The following SORCS3 variants were observed in gnomAD, a reference collection of about 807,000 sequenced individuals.
The protein encoded by SORCS3 is sortilin related VPS10 domain containing receptor 3.
SORCS3 carries 57 observed loss-of-function variants against 146.3 expected under a neutral mutation model. The ratio of observed to expected loss-of-function variants is 0.39; its 90% CI spans 0.31 to 0.49. The LOEUF (loss-of-function observed/expected upper bound fraction) is 0.49, where lower values mean the gene tolerates loss of function less well. SORCS3 is among the 20% of genes least tolerant of loss of function. SORCS3 has a pLI of 0.92. For missense variants in SORCS3, 1,341 were observed against 1,575.5 expected, an observed-to-expected ratio of 0.85 and a Z score of 2.52; for synonymous variants, 653 against 618.5, an observed-to-expected ratio of 1.06 and a Z score of -0.83.
At chr10:105,041,503 A>G (rs1301043404) in intron 4 of SORCS3, among the ~76,000 whole-genome samples, 1 of 150,372 alleles carries the variant, frequency 6.7e-6, no homozygotes, top group Non-Finnish European at 1.5e-5. Context: ...ATATACCTAC[A>G]TACATACATG....
intron 6 of SORCS3, among the ~76,000 whole-genome samples, chr10:105,096,644 A>G (rs1000154103): frequency 3.9e-5 from 6 of 152,192 alleles, no homozygotes; most frequent in Non-Finnish European, 2.9e-5. Context: ...AGAAGAGGCC[A>G]TAGCTAAGCC....
intron 2 of SORCS3, among the ~76,000 whole-genome samples, chr10:104,873,264 A>G (rs985297541): frequency 3.3e-5 from 5 of 152,232 alleles, no homozygotes; most frequent in African/African-American, 9.6e-5. Flanking sequence ...CCTCAGTGGG[A>G]TAAAACCCTT....
At chr10:104,886,554 T>TCATCTATCTATC (rs568922489) in intron 2 of SORCS3, among the ~76,000 whole-genome samples, 8,884 of 127,790 alleles carry the variant, frequency 0.07, 369 homozygotes, top group African/African-American at 0.12. Context: ...TATAACTCTA[T>TCATCTATCTATC]CATCTATCTA....
At chr10:105,178,417 A>G (rs1261655820) in intron 14 of SORCS3, among the ~76,000 whole-genome samples, 1 of 152,236 alleles carries the variant, frequency 6.6e-6, no homozygotes, top group East Asian at 1.9e-4. Context: ...TTAAAGAATT[A>G]TAGCAAATTC....
intron 2 of SORCS3, among the ~76,000 whole-genome samples, chr10:104,844,984 T>C (rs2018187096): frequency 6.6e-6 from 1 of 152,220 alleles, no homozygotes; most frequent in Non-Finnish European, 1.5e-5. Context: ...GCATATAAAT[T>C]GGGGTTAGCA....
intron 4 of SORCS3, among the ~76,000 whole-genome samples, chr10:105,034,356 C>T (rs1424603823): frequency 6.6e-6 from 1 of 152,050 alleles, no homozygotes; most frequent in African/African-American, 2.4e-5. Context: ...CTAGAGAGTT[C>T]ATGGCATGTT....
At chr10:104,884,224 T>C (rs1048084695) in intron 2 of SORCS3, among the ~76,000 whole-genome samples, 2 of 152,138 alleles carry the variant, frequency 1.3e-5, no homozygotes, top group African/African-American at 4.8e-5. Flanking sequence ...TGATAATATA[T>C]CTTTAAAGGA....
chr10:104,927,832 C>T (rs1009973891), intron 3 of SORCS3, among the ~76,000 whole-genome samples: 9 of 150,676 alleles, frequency 6.0e-5, no homozygotes, highest in Admixed American at 4.0e-4. Context: ...GAGCCGAGAT[C>T]GTACCATTGC....
At chr10:104,856,135 T>TAC (rs1233225304) in intron 2 of SORCS3, among the ~76,000 whole-genome samples, 1 of 152,154 alleles carries the variant, frequency 6.6e-6, no homozygotes, top group East Asian at 1.9e-4. Context: ...TATGTAAGCC[T>TAC]ATTTGGCTCT....
intron 1 of SORCS3, among the ~76,000 whole-genome samples, chr10:104,813,929 C>CTT (rs35625517): frequency 3.6e-4 from 42 of 116,150 alleles, no homozygotes; most frequent in African/African-American, 7.2e-4. Context: ...TCTTTTCTTT[C>CTT]TTTTTTTTTT....
chr10:104,758,890 G>A (rs2017089267), intron 1 of SORCS3, among the ~76,000 whole-genome samples: 1 of 152,196 alleles, frequency 6.6e-6, no homozygotes, highest in African/African-American at 2.4e-5. Context: ...CTCTGAAGAA[G>A]TAGATCCTGT....
At chr10:105,056,537 G>A (rs2133714627) in intron 5 of SORCS3, among the ~76,000 whole-genome samples, 1 of 152,292 alleles carries the variant, frequency 6.6e-6, no homozygotes, top group Non-Finnish European at 1.5e-5. Flanking sequence ...TTCATCTTTT[G>A]TGCAAGAGAA....
At chr10:105,179,900 A>C (rs1345031271) in intron 14 of SORCS3, among the ~76,000 whole-genome samples, 1 of 152,172 alleles carries the variant, frequency 6.6e-6, no homozygotes, top group African/African-American at 2.4e-5. Flanking sequence ...TTGAAAACTT[A>C]TTAATAAAGT....
intron 1 of SORCS3, among the ~76,000 whole-genome samples, chr10:104,673,069 C>T (rs1330167151): frequency 6.6e-6 from 1 of 152,028 alleles, no homozygotes; most frequent in East Asian, 1.9e-4. Context: ...TTAGTATAGT[C>T]ACCTTTGTTC....
At chr10:105,046,101 G>T (rs942600268) in intron 5 of SORCS3, among the ~76,000 whole-genome samples, 3 of 152,084 alleles carry the variant, frequency 2.0e-5, no homozygotes, top group African/African-American at 7.2e-5. Context: ...GGGAGAGAGG[G>T]TGTAGAGGGA....
At position 104,974,314 on chromosome 10, in the gene SORCS3, T is replaced by G. The variant is rs1319820235; in HGVS notation, c.796-3021T>G. Among the ~76,000 whole-genome samples the G allele has an allele frequency of 7.2e-5, 11 of 152,256 alleles. No individual in the cohort carries two copies. The South Asian group carries it at 2.3e-3, about 32-fold the overall frequency. On this transcript the variant is annotated intron_variant, in intron 3 of 26. Transcript: ENST00000369701. ...GTGGGGTGTTAAAGTCTCCCATTAT[T>G]ATTGTGTGGGAGTCTAAGTCTCTTT...
intron 1 of SORCS3, among the ~76,000 whole-genome samples, chr10:104,680,751 TG>T (rs1177252665): frequency 6.6e-6 from 1 of 152,258 alleles, no homozygotes; most frequent in Non-Finnish European, 1.5e-5. Context: ...CCTTGGCCCA[TG>T]ACTTCCAGGT....
intron 1 of SORCS3, 68 bp downstream of exon 1, chr10:104,642,022 G>GGGGGGGGGGGGGGGGGGGCCC: frequency 4.0e-5 from 7 of 173,334 alleles, no homozygotes; most frequent in Middle Eastern, 1.4e-3. Flanking sequence ...GGGTGGGTGG[G>GGGGGGGGGGGGGGGGGGGCCC]AGCGAGGGAC....
intron 2 of SORCS3, among the ~76,000 whole-genome samples, chr10:104,859,934 G>T (rs1159510673): frequency 1.2e-5 from 1 of 86,884 alleles, no homozygotes; most frequent in Non-Finnish European, 2.7e-5. Flanking sequence ...TGCTGGAGAG[G>T]ATGTAGAGAA....
Sources: allele counts gnomAD v4.1 joint callset (sites outside exome capture counted in the v4.1 genomes callset), GRCh38; gene constraint gnomAD v4.1.1; transcripts MANE v1.5; gene names NCBI Gene and HGNC (gene_info 2026-07-23, HGNC 2026-07-21).